Variants in AOAH observed in about 807,000 individuals in gnomAD.
The protein encoded by AOAH is acyloxyacyl hydrolase (neutrophil).
A neutral mutation model predicts 92.2 loss-of-function variants in AOAH; 64 were observed. That is an observed-to-expected ratio of 0.69 (90% CI 0.57 to 0.86). The LOEUF is 0.86. Among genes scored for constraint, AOAH ranks in the 40% least tolerant of loss-of-function variants. AOAH has a pLI of 0.00. For missense variants in AOAH, 656 were observed against 694.6 expected (o/e 0.94, Z 0.62); for synonymous variants, 263 against 254.5 (o/e 1.03, Z -0.32).
At chr7:36,672,599 A>C (rs531340634) in intron 3 of AOAH, among the ~76,000 whole-genome samples, 4 of 152,316 alleles carry the variant, frequency 2.6e-5, no homozygotes, top group African/African-American at 7.2e-5. Context: ...GGAGGGGAAC[A>C]TCACACACCA....
chr7:36,612,273 A>G (rs1791515267), intron 11 of AOAH, among the ~76,000 whole-genome samples: 1 of 152,210 alleles, frequency 6.6e-6, no homozygotes. Context: ...TTGCACACAG[A>G]CACACATATA....
At chr7:36,712,050 T>A (rs991082984) in intron 1 of AOAH, among the ~76,000 whole-genome samples, 1 of 152,244 alleles carries the variant, frequency 6.6e-6, no homozygotes, top group African/African-American at 2.4e-5. Flanking sequence ...AGAAACAGTG[T>A]CTTATGAACA....
intron 12 of AOAH, among the ~76,000 whole-genome samples, chr7:36,583,810 C>T (rs1262712485): frequency 6.6e-6 from 1 of 152,212 alleles, no homozygotes; most frequent in Non-Finnish European, 1.5e-5. Context: ...GAGCTTGAAG[C>T]AGGTGTAGCT....
At chr7:36,678,587 G>GTT (rs1415799566) in intron 2 of AOAH, among the ~76,000 whole-genome samples, 18 of 142,422 alleles carry the variant, frequency 1.3e-4, no homozygotes, top group East Asian at 6.1e-4. Context: ...GTGTGTGTGT[G>GTT]TGTGTGTGTG....
chr7:36,519,601 TG>T (rs751088299), intron 20 of AOAH, among the ~76,000 whole-genome samples: 40 of 152,232 alleles, frequency 2.6e-4, no homozygotes, highest in Non-Finnish European at 4.6e-4. Flanking sequence ...CAGCTAATTT[TG>T]TATTTTTAGT....
intron 16 of AOAH, among the ~76,000 whole-genome samples, chr7:36,534,845 T>G (rs980712361): frequency 3.3e-5 from 5 of 152,040 alleles, no homozygotes; most frequent in Non-Finnish European, 7.4e-5. Flanking sequence ...TCTGTCTATG[T>G]GTATCTGTGT....
chr7:36,715,613 G>C (rs1287592890), intron 1 of AOAH, among the ~76,000 whole-genome samples: 2 of 149,600 alleles, frequency 1.3e-5, no homozygotes, highest in Non-Finnish European at 3.0e-5. Flanking sequence ...CATGGTACTG[G>C]TACCAAAACA....
intron 4 of AOAH, among the ~76,000 whole-genome samples, chr7:36,639,314 T>C (rs1171493959): frequency 6.6e-6 from 1 of 152,186 alleles, no homozygotes; most frequent in Non-Finnish European, 1.5e-5. Context: ...TGTGGCTACT[T>C]TTATCAGCAA....
rs116083814 is a variant in AOAH at position 36,522,469 on chromosome 7, C to T, written c.1523-354G>A. Among the ~76,000 whole-genome samples the T allele has an allele frequency of 4.1e-3, 627 of 152,306 alleles. 3 individuals carry two copies. Among genetic ancestry groups the T allele is most frequent in the African/African-American group, 0.013 (554 of 41,574 alleles). On this transcript the variant is annotated intron_variant, in intron 19 of 20. Coordinates refer to ENST00000617537, the MANE Select transcript of AOAH (RefSeq NM_001637.4). ...GGTATTACAGTAGGGAAAAATCCAA[C>T]ATTTTGTTAACATCCCCTTTCATGG...
At chr7:36,538,676 C>A (rs1341040138) in intron 16 of AOAH, among the ~76,000 whole-genome samples, 4 of 152,110 alleles carry the variant, frequency 2.6e-5, no homozygotes, top group African/African-American at 9.7e-5. Flanking sequence ...ATTTTCATAT[C>A]CCGTGGTTCA....
chr7:36,708,006 T>C (rs1400492890), intron 1 of AOAH, among the ~76,000 whole-genome samples: 1 of 152,120 alleles, frequency 6.6e-6, no homozygotes, highest in African/African-American at 2.4e-5. Context: ...TTGCCCAGGC[T>C]TGTCTTGAAC....
intron 11 of AOAH, among the ~76,000 whole-genome samples, chr7:36,601,277 G>A (rs546474402): frequency 1.4e-4 from 21 of 152,236 alleles, no homozygotes; most frequent in South Asian, 6.2e-4. Context: ...ATAATCTCCC[G>A]TGTGTGAGAT....
chr7:36,515,152 AACC>A (rs1199017090), intron 20 of AOAH, among the ~76,000 whole-genome samples: 1 of 127,222 alleles, frequency 7.9e-6, no homozygotes. Flanking sequence ...CACCCCTCAC[AACC>A]CCACACCACA....
At chr7:36,652,705 A>C (rs767559408) in intron 4 of AOAH, among the ~76,000 whole-genome samples, 1 of 152,220 alleles carries the variant, frequency 6.6e-6, no homozygotes, top group South Asian at 2.1e-4. Flanking sequence ...AACCCCTAAC[A>C]CTGTCGAACC....
At position 36,724,112 on chromosome 7, in the gene AOAH, G is replaced by A. The variant is rs1799824475; in HGVS notation, c.37C>T (p.Leu13=). ...SPWKILTVAP[L]FLLLSLQSSA... ...GACTGAAGAGACAGGAGCAAGAATA[G>A]AGGCGCCACCGTAAGGATTTTCCAG... is the stretch of plus-strand genomic sequence containing the variant. The change falls in exon 1 of 21, where the codon CTA becomes TTA. Residue 13 remains leucine (L), a synonymous_variant. Transcript: ENST00000617537. 6.2e-7 allele frequency: 1 copy of A among 1,613,668 alleles called. No individual in the cohort carries two copies. The highest frequency in any genetic ancestry group is 1.3e-5 in the African/African-American group (1 of 74,998).
chr7:36,609,365 C>A (rs1269929817), intron 11 of AOAH, among the ~76,000 whole-genome samples: 1 of 152,218 alleles, frequency 6.6e-6, no homozygotes, highest in Non-Finnish European at 1.5e-5. Context: ...GAATTCAAAT[C>A]TGCCCCTTTC....
At chr7:36,676,007 C>T (rs1388551052) in intron 2 of AOAH, among the ~76,000 whole-genome samples, 1 of 152,186 alleles carries the variant, frequency 6.6e-6, no homozygotes, top group Non-Finnish European at 1.5e-5. Flanking sequence ...AACCTGACAA[C>T]TTACATGATA....
In AOAH at chr7:36,618,465, A is replaced by C. The variant is rs187565509; in HGVS notation, c.703-120T>G. ...CAAATGAGTAGATAAAACCCTTTAA[A>C]GTTTCTTAAGCCCCTAATTCAACAT... On this transcript the variant is annotated intron_variant, in intron 9 of 20. Transcript: ENST00000617537. 3 of 859,980 alleles carry C rather than the reference A, an allele frequency of 3.5e-6. No homozygotes were observed. The East Asian group carries it at 7.6e-5, about 22-fold the overall frequency. 53.3% of individuals were successfully genotyped at this position (859,980 alleles called of 1,614,324 possible).
At chr7:36,620,700 T>A in intron 9 of AOAH, 81 bp downstream of exon 9, 3 of 1,393,480 alleles carry the variant, frequency 2.2e-6, no homozygotes, top group Non-Finnish European at 3.0e-6. Context: ...TCCCTGGATC[T>A]AACTAAAGCA....
Sources: allele counts gnomAD v4.1 joint callset (sites outside exome capture counted in the v4.1 genomes callset), GRCh38; gene constraint gnomAD v4.1.1; transcripts MANE v1.5; gene names NCBI Gene and HGNC (gene_info 2026-07-23, HGNC 2026-07-21).